The following IGSF10 variants were observed in gnomAD, a reference collection of about 807,000 sequenced individuals.
The protein encoded by IGSF10 is calvaria mechanical force protein 608.
A neutral mutation model predicts 128.2 loss-of-function variants in IGSF10; 126 were observed. The observed-to-expected ratio is 0.98, with a 90% CI of 0.85 to 1.14. IGSF10 has a LOEUF of 1.14. Ranked by LOEUF, IGSF10 falls within the 50% of genes most tolerant of loss-of-function variation. IGSF10 has a pLI of 0.00. For missense variants in IGSF10, 3,295 were observed against 3,149.8 expected (o/e 1.05, Z -1.10); for synonymous variants, 1,185 against 1,146.2 (o/e 1.03, Z -0.68).
the IGSF10 span, among the ~76,000 whole-genome samples, chr3:151,609,694 T>C: frequency 1.1e-4 from 16 of 152,310 alleles, no homozygotes; most frequent in Admixed American, 4.6e-4. Flanking sequence ...TGCAGCAACA[T>C]GAATGCAGCT....
chr3:151,543,186 C>A, the IGSF10 span, among the ~76,000 whole-genome samples: 2 of 152,136 alleles, frequency 1.3e-5, no homozygotes, highest in East Asian at 3.9e-4. Context: ...GGTTTTCCTG[C>A]AGTAAATAAG....
At chr3:151,511,023 C>A in the IGSF10 span, among the ~76,000 whole-genome samples, 424 of 152,246 alleles carry the variant, frequency 2.8e-3, 5 homozygotes, top group Admixed American at 0.025. Context: ...GAATGGAACC[C>A]AGTTGGAAAA....
chr3:151,452,877 C>T (rs1721574854), intron 5 of IGSF10, among the ~76,000 whole-genome samples: 1 of 151,810 alleles, frequency 6.6e-6, no homozygotes, highest in Non-Finnish European at 1.5e-5. Flanking sequence ...TGCTGGCTGG[C>T]TGAGAACCAT....
the IGSF10 span, among the ~76,000 whole-genome samples, chr3:151,538,888 A>G: frequency 1.3e-5 from 2 of 152,332 alleles, no homozygotes; most frequent in South Asian, 4.1e-4. Context: ...AAGGTTTTAG[A>G]ACAAAACATG....
chr3:151,512,161 A>G, the IGSF10 span, among the ~76,000 whole-genome samples: 1 of 152,206 alleles, frequency 6.6e-6, no homozygotes, highest in Non-Finnish European at 1.5e-5. Context: ...CAGAATATAC[A>G]TTCTTTTCAA....
the IGSF10 span, among the ~76,000 whole-genome samples, chr3:151,544,028 G>T: frequency 2.0e-5 from 3 of 152,154 alleles, no homozygotes; most frequent in Non-Finnish European, 4.4e-5. Flanking sequence ...TCCTGCCTCA[G>T]CCTCCCAAGT....
At chr3:151,469,593 G>A in the IGSF10 span, among the ~76,000 whole-genome samples, 1 of 152,154 alleles carries the variant, frequency 6.6e-6, no homozygotes, top group Non-Finnish European at 1.5e-5. Context: ...ACTCAGGCCT[G>A]TAATACCCCT....
the IGSF10 span, among the ~76,000 whole-genome samples, chr3:151,482,516 C>CA: frequency 1.6e-4 from 25 of 151,546 alleles, no homozygotes; most frequent in Admixed American, 7.2e-4. Context: ...CTCAGAGGGG[C>CA]AAAAAAATAA....
At chr3:151,514,196 G>A in the IGSF10 span, among the ~76,000 whole-genome samples, 1 of 152,076 alleles carries the variant, frequency 6.6e-6, no homozygotes, top group Non-Finnish European at 1.5e-5. Context: ...AAAGCTGGAG[G>A]CATCAAGCTA....
chr3:151,515,363 C>T, the IGSF10 span, among the ~76,000 whole-genome samples: 1 of 149,268 alleles, frequency 6.7e-6, no homozygotes, highest in South Asian at 2.1e-4. Context: ...CAAACTATCG[C>T]AAGGACAGAA....
chr3:151,578,045 A>G, the IGSF10 span, among the ~76,000 whole-genome samples: 1 of 152,192 alleles, frequency 6.6e-6, no homozygotes, highest in East Asian at 1.9e-4. Flanking sequence ...TTTGTTTCAC[A>G]GTTTTTGTAT....
At chr3:151,454,075 T>C (rs1721659036) in intron 4 of IGSF10, among the ~76,000 whole-genome samples, 1 of 151,046 alleles carries the variant, frequency 6.6e-6, no homozygotes, top group East Asian at 1.9e-4. Flanking sequence ...TGGAGTGCAG[T>C]GTTGTGATCT....
Position 151,447,632 on chromosome 3 carries a change from G to T in IGSF10, c.2349C>A (p.Val783=). The T allele has an allele frequency of 6.2e-7, 1 of 1,614,170 alleles. No individual in the cohort carries two copies. The highest frequency in any genetic ancestry group is 1.1e-5 in the South Asian group (1 of 91,066). ...ENTTVSPPPV[V]TQLPNIPGEE... is the part of the protein sequence containing the mutation. Reference sequence around the variant, plus strand: ...CACCAGGTATGTTTGGGAGTTGGGTGACCACTGGGGGTGGGCTCACTGTGG... The same window carrying T: ...CACCAGGTATGTTTGGGAGTTGGGTTACCACTGGGGGTGGGCTCACTGTGG... The change falls in exon 6 of 8, where the codon GTC becomes GTA. Residue 783 remains valine (V), a synonymous_variant. Transcript: ENST00000282466.
chr3:151,438,362 C>A lies in IGSF10; in HGVS notation c.6199G>T (p.Val2067Leu), dbSNP rs746593123. The A allele has an allele frequency of 1.9e-6, 3 of 1,614,202 alleles. No individual in the cohort carries two copies. Among genetic ancestry groups the A allele is most frequent in the Admixed American group, 3.3e-5 (2 of 60,030 alleles). The part of the protein sequence containing the change: ...QVDCKASGSP[V>L]PEISWSLPDG... The stretch of plus-strand genomic sequence containing the variant: ...GGCAAACTCCAAGATATCTCTGGCA[C>A]TGGGGAGCCGGAAGCTTTGCAATCT... Residue 2067 changes from valine (V) to leucine (L), a missense_variant, in exon 8 of 8, where the codon GTG becomes TTG. Physicochemically the swap from Val to Leu is conservative, Grantham distance 32 (BLOSUM62 1). Coordinates refer to ENST00000282466, the MANE Select transcript of IGSF10 (RefSeq NM_178822.5).
the IGSF10 span, among the ~76,000 whole-genome samples, chr3:151,479,383 A>G: frequency 1.7e-4 from 22 of 131,246 alleles, no homozygotes; most frequent in Non-Finnish European, 3.1e-4. Flanking sequence ...TTTATTTTTC[A>G]CTCTTTTTGG....
At chr3:151,439,137 T>C (rs1397876854) in intron 7 of IGSF10, among the ~76,000 whole-genome samples, 1 of 152,154 alleles carries the variant, frequency 6.6e-6, no homozygotes, top group Non-Finnish European at 1.5e-5. Context: ...ATGCTAGAAA[T>C]ATGGGAGTTC....
the IGSF10 span, among the ~76,000 whole-genome samples, chr3:151,484,825 A>G: frequency 6.6e-6 from 1 of 152,100 alleles, no homozygotes; most frequent in Admixed American, 6.5e-5. Context: ...CAAAAGGTAG[A>G]TAATTCCACA....
the IGSF10 span, among the ~76,000 whole-genome samples, chr3:151,535,557 T>C: frequency 6.6e-6 from 1 of 152,152 alleles, no homozygotes; most frequent in Admixed American, 6.5e-5. Flanking sequence ...TATATACTCA[T>C]GTAACAAACC....
the IGSF10 span, among the ~76,000 whole-genome samples, chr3:151,601,766 C>T: frequency 6.6e-6 from 1 of 152,172 alleles, no homozygotes. Context: ...TGGTAATAGA[C>T]ACCCCAGGAA....
Sources: gnomAD v4.1 joint callset for allele counts (sites outside exome capture counted in the v4.1 genomes callset) on GRCh38, gnomAD v4.1.1 for gene constraint, MANE v1.5 for transcripts, NCBI Gene and HGNC (gene_info 2026-07-23, HGNC 2026-07-21) for gene names.